NIPAL3: variants seen among roughly 807,000 people sequenced by gnomAD.
NIPAL3 encodes the protein NIPA like domain containing 3, also known as NIPA-like protein 3.
Under a neutral mutation model 47.2 loss-of-function variants are expected in NIPAL3, and 41 were observed. The ratio of observed to expected loss-of-function variants is 0.87; its 90% CI spans 0.68 to 1.13. NIPAL3 has a LOEUF of 1.13. Among genes scored for constraint, NIPAL3 ranks in the 50% most tolerant of loss-of-function variants. The pLI, the probability that NIPAL3 is intolerant of heterozygous loss-of-function variation, is 0.00. For missense variants in NIPAL3, 449 were observed against 530.1 expected (o/e 0.85, Z 1.50); for synonymous variants, 194 against 209.6 (o/e 0.93, Z 0.64).
intron 2 of NIPAL3, among the ~76,000 whole-genome samples, chr1:24,429,361 T>C (rs980209969): frequency 2.6e-5 from 4 of 152,066 alleles, no homozygotes; most frequent in African/African-American, 7.2e-5. Context: ...AAACTTGGCA[T>C]TTTTTATTTA....
chr1:24,463,460 G>A (rs1391879587), intron 10 of NIPAL3, among the ~76,000 whole-genome samples: 1 of 152,092 alleles, frequency 6.6e-6, no homozygotes, highest in Non-Finnish European at 1.5e-5. Context: ...AATTCATTCA[G>A]CTAGACATCT....
chr1:24,414,455 C>A (rs1643919208), upstream of NIPAL3: 1 of 150,146 alleles, frequency 6.7e-6, no homozygotes. Context: ...CAGGGCAGGG[C>A]GGTCTCAGCG....
At chr1:24,459,387 T>C (rs1005692146) in intron 9 of NIPAL3, among the ~76,000 whole-genome samples, 1 of 152,242 alleles carries the variant, frequency 6.6e-6, no homozygotes, top group African/African-American at 2.4e-5. Context: ...TGCATAGCAC[T>C]GCAACATCAT....
At chr1:24,426,469 A>G (rs1274455230) in intron 2 of NIPAL3, among the ~76,000 whole-genome samples, 1 of 151,866 alleles carries the variant, frequency 6.6e-6, no homozygotes, top group Non-Finnish European at 1.5e-5. Context: ...TAATTTTTGT[A>G]TTGTTAGTAG....
At position 24,454,152 on chromosome 1, in the gene NIPAL3, A is replaced by C. The variant is rs1234314811; in HGVS notation, c.637+648A>C. On this transcript the variant is annotated intron_variant, in intron 7 of 11. Transcript: ENST00000374399. This position sits in a 1 kb window ranked among gnomAD's most constrained non-coding sequence, Gnocchi z 4.1. Reference sequence around the variant, plus strand: ...AGTGATCCCCCTGCCTCGGCCTCCCAAAGTGCCAGGATTACAGGCATGAGG... The same window carrying C: ...AGTGATCCCCCTGCCTCGGCCTCCCCAAGTGCCAGGATTACAGGCATGAGG... 9.7e-6 allele frequency: 12 copies of C among 1,243,464 alleles called. No homozygotes were observed. Among genetic ancestry groups the C allele is most frequent in the Non-Finnish European group, 1.2e-5 (12 of 971,282 alleles). The allele number at this position is 1,243,464 out of a possible 1,614,324, so 77.0% of individuals were successfully genotyped here.
At chr1:24,432,080 G>A (rs757831585) in intron 2 of NIPAL3, among the ~76,000 whole-genome samples, 1 of 152,108 alleles carries the variant, frequency 6.6e-6, no homozygotes, top group Non-Finnish European at 1.5e-5. Context: ...CAAGTGACTG[G>A]AGTGCCATTC....
In NIPAL3 at chr1:24,419,655, G is replaced by A; in HGVS notation, c.93+15G>A. 1 of 1,611,086 alleles carries A rather than the reference G, an allele frequency of 6.2e-7. No individual in the cohort carries two copies. Among genetic ancestry groups the A allele is most frequent in the Non-Finnish European group, 8.5e-7 (1 of 1,178,000 alleles). On this transcript the variant is annotated intron_variant, in intron 2 of 11. Coordinates refer to ENST00000374399, the MANE Select transcript of NIPAL3 (RefSeq NM_020448.5). Reference sequence around the variant, plus strand: ...TCTCCTACAAGGCAAGGGCTTTTTTGGGGTTTGGGAATTTGTATTTTCCTA... The same window carrying A: ...TCTCCTACAAGGCAAGGGCTTTTTTAGGGTTTGGGAATTTGTATTTTCCTA...
intron 11 of NIPAL3, 101 bp downstream of exon 11, chr1:24,464,221 G>A (rs890157561): frequency 2.3e-5 from 19 of 812,544 alleles, no homozygotes; most frequent in South Asian, 1.8e-4. Context: ...TGCCTTTATC[G>A]TGTGACTGTT....
At chr1:24,427,680 A>G (rs527868200) in intron 2 of NIPAL3, among the ~76,000 whole-genome samples, 1 of 152,316 alleles carries the variant, frequency 6.6e-6, no homozygotes, top group South Asian at 2.1e-4. Context: ...GATGCTAAAA[A>G]TAGGACTCAT....
At chr1:24,422,516 T>G (rs1644380200) in intron 2 of NIPAL3, among the ~76,000 whole-genome samples, 1 of 152,220 alleles carries the variant, frequency 6.6e-6, no homozygotes, top group African/African-American at 2.4e-5. Context: ...TCTCCCTGCC[T>G]TCACCCTTTT....
chr1:24,466,412 A>C, intron 11 of NIPAL3: 3 of 175,962 alleles, frequency 1.7e-5, no homozygotes, highest in African/African-American at 2.4e-5. Context: ...AACACCAAAC[A>C]TCCCTCTGAC....
chr1:24,440,683 G>A (rs1434043874), intron 3 of NIPAL3, among the ~76,000 whole-genome samples: 1 of 152,192 alleles, frequency 6.6e-6, no homozygotes, highest in East Asian at 1.9e-4. Flanking sequence ...AGCAGCTGTG[G>A]TGTGTAGCAA....
At chr1:24,422,898 A>T (rs1432644294) in intron 2 of NIPAL3, among the ~76,000 whole-genome samples, 1 of 152,248 alleles carries the variant, frequency 6.6e-6, no homozygotes, top group Non-Finnish European at 1.5e-5. Context: ...TATGGTATGC[A>T]TACAGAAAAA....
intron 2 of NIPAL3, among the ~76,000 whole-genome samples, chr1:24,421,134 C>T (rs11249108): frequency 0.24 from 35,839 of 151,816 alleles, 4,704 homozygotes; most frequent in East Asian, 0.45. Flanking sequence ...CCCGGGCAAA[C>T]ATGATGAAAC....
At position 24,468,923 on chromosome 1, in the gene NIPAL3, G is replaced by T. The variant is rs943689526; in HGVS notation, c.1022-63G>T. 8 of 1,452,826 alleles carry T rather than the reference G, an allele frequency of 5.5e-6. No individual in the cohort carries two copies. In the African/African-American group the frequency reaches 9.8e-5, roughly 18 times the overall value. The allele number at this position is 1,452,826 out of a possible 1,614,324, so 90.0% of individuals were successfully genotyped here. ...TAATTAGTCTGTGGCGGGATAGAGG[G>T]AGATGCGGCCTCCTTGGCCCCCTTA... On this transcript the variant is annotated intron_variant, in intron 11 of 11. Transcript: ENST00000374399.
chr1:24,462,258 A>T (rs963362666), intron 10 of NIPAL3, among the ~76,000 whole-genome samples: 2 of 152,152 alleles, frequency 1.3e-5, no homozygotes, highest in Non-Finnish European at 2.9e-5. Flanking sequence ...CCCATGACAC[A>T]TGGGGATTGT....
rs763901941 is a variant in NIPAL3 at position 24,466,129 on chromosome 1, G to A, written c.1021+2009G>A. 3.8e-6 allele frequency: 6 copies of A among 1,581,500 alleles called. No homozygotes were observed. In the African/African-American group the frequency reaches 5.4e-5, roughly 14 times the overall value. On this transcript the variant is annotated intron_variant, in intron 11 of 11. Coordinates refer to ENST00000374399, the MANE Select transcript of NIPAL3 (RefSeq NM_020448.5). ...TGAAAGACTTCTTAAAAATGAGATC[G>A]AGAAACAGCCCCTGACCTCCAGGAA...
rs747675777 is a variant in NIPAL3 at position 24,442,101 on chromosome 1, A to G, written c.209A>G (p.Tyr70Cys). ...GCAGGCTCCAAGGATCCCCGGGCCT[A>G]TTTCAAGACCAAGACATGGTGGCTG... Reference protein sequence around the residue: ...RLAGSKDPRAYFKTKTWWLGL... With the variant: ...RLAGSKDPRACFKTKTWWLGL... Residue 70 changes from tyrosine to cysteine, a missense_variant, in exon 4 of 12, where the codon TAT becomes TGT. Physicochemically the swap from Tyr to Cys is radical, Grantham distance 194. Transcript: ENST00000374399. The G allele has an allele frequency of 1.2e-6, 2 of 1,614,194 alleles. No individual in the cohort carries two copies. Among genetic ancestry groups the G allele is most frequent in the East Asian group, 2.2e-5 (1 of 44,876 alleles).
intron 6 of NIPAL3, among the ~76,000 whole-genome samples, chr1:24,452,793 TCTC>T (rs1646001057): frequency 1.3e-5 from 2 of 151,950 alleles, no homozygotes; most frequent in South Asian, 4.2e-4. Flanking sequence ...TCTCAGCAAT[TCTC>T]CTGCCTCAGC....
Sources: gnomAD v4.1 joint callset for allele counts (sites outside exome capture counted in the v4.1 genomes callset) on GRCh38, gnomAD v4.1.1 for gene constraint, Gnocchi (gnomAD v3.1) non-coding constraint, MANE v1.5 for transcripts, NCBI Gene and HGNC (gene_info 2026-07-23, HGNC 2026-07-21) for gene names.